Variants in CELF2 observed in about 807,000 individuals in gnomAD.
The protein encoded by CELF2 is CUGBP Elav-like family member 2.
In CELF2, 8 loss-of-function variants were observed where a neutral mutation model predicts 62.6. The observed-to-expected ratio is 0.13, with a 90% CI of 0.07 to 0.23. The LOEUF (loss-of-function observed/expected upper bound fraction) is 0.23. Among genes scored for constraint, CELF2 ranks in the 10% least tolerant of loss-of-function variants. CELF2 has a pLI of 1.00. For synonymous variants in CELF2, 258 were observed against 250.0 expected, an observed-to-expected ratio of 1.03 and a Z score of -0.30; for missense variants, 333 against 671.0, an observed-to-expected ratio of 0.50 and a Z score of 5.56.
intron 1 of CELF2, among the ~76,000 whole-genome samples, chr10:11,115,601 A>G (rs1295044738): frequency 6.6e-6 from 1 of 152,182 alleles, no homozygotes; most frequent in Non-Finnish European, 1.5e-5. Context: ...GTATTTTTAG[A>G]GAAGCGAATG....
At chr10:11,092,370 A>C (rs1462597496) in intron 1 of CELF2, 1 of 152,244 alleles carries the variant, frequency 6.6e-6, no homozygotes, top group African/African-American at 2.4e-5. Context: ...CCTTGATCTC[A>C]GGCCTTGGTC....
chr10:10,900,693 T>A (rs1223614060), intron 1 of CELF2, among the ~76,000 whole-genome samples: 2 of 152,078 alleles, frequency 1.3e-5, no homozygotes, highest in Non-Finnish European at 2.9e-5. Context: ...CATTCAACAT[T>A]CTATTGCAGG....
At chr10:10,621,428 A>T in the CELF2 span, among the ~76,000 whole-genome samples, 2 of 152,196 alleles carry the variant, frequency 1.3e-5, no homozygotes, top group Non-Finnish European at 2.9e-5. Context: ...TGAGTTTTAC[A>T]TCCAGAACAA....
At chr10:11,030,785 T>C (rs1370293164) in intron 1 of CELF2, 1 of 152,226 alleles carries the variant, frequency 6.6e-6, no homozygotes, top group Non-Finnish European at 1.5e-5. Context: ...TGTTCTGTGC[T>C]CTTCCACATA....
intron 1 of CELF2, among the ~76,000 whole-genome samples, chr10:11,100,221 A>AAAAT (rs1051344935): frequency 1.1e-4 from 16 of 149,786 alleles, no homozygotes; most frequent in Non-Finnish European, 2.1e-4. Context: ...ATAAATAAAT[A>AAAAT]AAATAAATAA....
chr10:11,081,640 A>G (rs2074059459), intron 1 of CELF2, among the ~76,000 whole-genome samples: 1 of 152,228 alleles, frequency 6.6e-6, no homozygotes, highest in South Asian at 2.1e-4. Flanking sequence ...AACCTCTGGA[A>G]GGGTTCTCAT....
At chr10:10,501,616 G>A in the CELF2 span, among the ~76,000 whole-genome samples, 3 of 152,046 alleles carry the variant, frequency 2.0e-5, no homozygotes, top group Non-Finnish European at 4.4e-5. Context: ...GTATATACAA[G>A]TGCAACTGAT....
At chr10:10,748,767 A>C in the CELF2 span, among the ~76,000 whole-genome samples, 1 of 150,376 alleles carries the variant, frequency 6.6e-6, no homozygotes, top group East Asian at 1.9e-4. Flanking sequence ...AAAAAAAAAA[A>C]AAAAAAGAAT....
At chr10:10,701,346 G>T in the CELF2 span, among the ~76,000 whole-genome samples, 23 of 152,178 alleles carry the variant, frequency 1.5e-4, no homozygotes, top group African/African-American at 5.1e-4. Context: ...GTCAATTACT[G>T]GAAGTCTCCA....
intron 2 of CELF2, chr10:11,171,492 C>T (rs1254325929): frequency 6.6e-6 from 1 of 152,668 alleles, no homozygotes; most frequent in East Asian, 1.9e-4. Context: ...GGAAAAGTTT[C>T]TTGAGAATCA....
the CELF2 span, among the ~76,000 whole-genome samples, chr10:10,583,517 A>G: frequency 6.6e-6 from 1 of 152,204 alleles, no homozygotes; most frequent in African/African-American, 2.4e-5. Flanking sequence ...CTCTAGGGTT[A>G]GCCTGAAGTT....
chr10:11,063,234 C>T (rs2067246451), intron 1 of CELF2, among the ~76,000 whole-genome samples: 1 of 152,130 alleles, frequency 6.6e-6, no homozygotes, highest in East Asian at 1.9e-4. Context: ...CTGCTGTATC[C>T]TCAAGGTATG....
At chr10:10,862,223 C>T (rs1385743511) in intron 1 of CELF2, among the ~76,000 whole-genome samples, 4 of 152,176 alleles carry the variant, frequency 2.6e-5, no homozygotes, top group African/African-American at 9.7e-5. Context: ...TGGCTTAAAA[C>T]AGTCCTTTTA....
the CELF2 span, among the ~76,000 whole-genome samples, chr10:10,600,023 G>T: frequency 1.3e-5 from 2 of 152,142 alleles, no homozygotes; most frequent in African/African-American, 2.4e-5. Flanking sequence ...GAGCCACCGA[G>T]CCCGGCCTCT....
At position 10,995,114 on chromosome 10, in the gene CELF2, T is replaced by G. The variant is rs1484609255; in HGVS notation, c.89+75115T>G. Among the ~76,000 whole-genome samples, 5 of 152,326 alleles carry G rather than the reference T, an allele frequency of 3.3e-5. No individual in the cohort carries two copies. The East Asian group carries it at 7.7e-4, about 24-fold the overall frequency. On this transcript the variant is annotated intron_variant, in intron 2 of 13. Coordinates refer to the CELF2 transcript ENST00000636488. This position sits in a 1 kb window ranked among gnomAD's most constrained non-coding sequence, Gnocchi z 4.7. The stretch of plus-strand genomic sequence containing the variant: ...TTGTTTCCCAAATTAAGCTGTGTCT[T>G]TCTAACTTGGTTATAAGTTCCTTAA...
rs1456734251 is a variant in CELF2, at chr10:11,255,142, C to T, written c.404-2596C>T. ...CATGACTGACCAGGCTTCACCAGTT[C>T]ACAGCGGATCCATGCTACTTTGCCT... On this transcript the variant is annotated intron_variant, in intron 4 of 12. Transcript: ENST00000633077. This position sits in a 1 kb window ranked among gnomAD's most constrained non-coding sequence, Gnocchi z 5.5. Among the ~76,000 whole-genome samples, 2 of 152,248 alleles carry T rather than the reference C, an allele frequency of 1.3e-5. No homozygotes were observed. The highest frequency in any genetic ancestry group is 3.8e-4 in the East Asian group (2 of 5,204).
intron 1 of CELF2, among the ~76,000 whole-genome samples, chr10:11,109,956 G>A (rs1369511108): frequency 3.3e-5 from 5 of 152,084 alleles, no homozygotes; most frequent in Non-Finnish European, 7.4e-5. Flanking sequence ...ATTTTAATCT[G>A]TGTCTCAAAA....
chr10:11,036,265 A>G (rs1475172122), intron 1 of CELF2, among the ~76,000 whole-genome samples: 1 of 152,176 alleles, frequency 6.6e-6, no homozygotes, highest in East Asian at 1.9e-4. Context: ...TATTATTCAA[A>G]TCTGTGTTTC....
chr10:10,718,759 G>A, the CELF2 span, among the ~76,000 whole-genome samples: 1 of 152,038 alleles, frequency 6.6e-6, no homozygotes, highest in African/African-American at 2.4e-5. Flanking sequence ...ATCACACCCA[G>A]GGAAAGAGTA....
Sources: allele counts gnomAD v4.1 joint callset (sites outside exome capture counted in the v4.1 genomes callset), GRCh38; gene constraint gnomAD v4.1.1; non-coding constraint Gnocchi (gnomAD v3.1); transcripts MANE v1.5; gene names NCBI Gene and HGNC (gene_info 2026-07-23, HGNC 2026-07-21).